Variants in XRN1 observed in about 807,000 individuals in gnomAD.
The protein encoded by XRN1 is 5'-3' exoribonuclease 1, also known as strand-exchange protein 1 homolog.
A neutral mutation model predicts 222.3 loss-of-function variants in XRN1; 67 were observed. The ratio of observed to expected loss-of-function variants is 0.30; its 90% CI spans 0.25 to 0.37. The LOEUF is 0.37. Ranked by LOEUF, XRN1 falls within the 10% of genes least tolerant of loss-of-function variation. The pLI is 1.00. For synonymous variants in XRN1, 643 were observed against 652.4 expected, an observed-to-expected ratio of 0.99 and a Z score of 0.22; for missense variants, 1,707 against 2,000.2, an observed-to-expected ratio of 0.85 and a Z score of 2.80.
intron 8 of XRN1, among the ~76,000 whole-genome samples, chr3:142,421,899 C>T (rs2108109057): frequency 6.6e-6 from 1 of 151,554 alleles, no homozygotes; most frequent in East Asian, 1.9e-4. Context: ...TATTTGGCAT[C>T]ACTATGTTTG....
Position 142,425,358 on chromosome 3 carries a change from C to T in XRN1, c.517-26G>A, listed in dbSNP as rs970600507. ...CTAAATAAAATTGTTTTTAAAAATG[C>T]AGTAATATGGTATATGCTTGAGAAT... On this transcript the variant is annotated intron_variant, in intron 4 of 40. Transcript: ENST00000392981. 4 of 1,583,270 alleles carry T rather than the reference C, an allele frequency of 2.5e-6. No homozygotes were observed. The African/African-American group carries it at 4.1e-5, about 16-fold the overall frequency.
At position 142,329,594 on chromosome 3, in the gene XRN1, T is replaced by C; in HGVS notation, c.4244A>G (p.His1415Arg). The C allele has an allele frequency of 1.3e-6, 2 of 1,549,850 alleles. No individual in the cohort carries two copies. Among genetic ancestry groups the C allele is most frequent in the Non-Finnish European group, 1.7e-6 (2 of 1,156,894 alleles). Reference sequence around the variant, plus strand: ...AACATTATGGTACTCATTAGCACTGTGAGGCTTGTTCATATAAGATGCTAC... The same window carrying C: ...AACATTATGGTACTCATTAGCACTGCGAGGCTTGTTCATATAAGATGCTAC... The part of the protein sequence containing the change: ...KKLASYMNKP[H>R]SANEYHNVQS... The change falls in exon 37 of 41, where the codon CAC becomes CGC. Residue 1415 changes from histidine to arginine, a missense_variant. By Grantham distance (29) the His-to-Arg change is conservative. Around this residue, in one of 2 missense-constraint regions of XRN1, gnomAD observed 473 missense variants for 482.0 expected, o/e 0.98. Transcript: ENST00000392981.
At chr3:142,384,271 CAAA>C (rs369012282) in intron 21 of XRN1, among the ~76,000 whole-genome samples, 1 of 52,676 alleles carries the variant, frequency 1.9e-5, no homozygotes. Flanking sequence ...GACTCTGTCT[CAAA>C]AAAAAAAAAA....
chr3:142,418,365 G>T (rs2068866987), intron 12 of XRN1, 139 bp downstream of exon 12: 1 of 601,346 alleles, frequency 1.7e-6, no homozygotes, highest in South Asian at 2.5e-5. Context: ...TCCAAAACCA[G>T]ACTAGTTGAA....
chr3:142,363,813 C>A (rs2107858428), intron 29 of XRN1, among the ~76,000 whole-genome samples: 1 of 152,322 alleles, frequency 6.6e-6, no homozygotes, highest in African/African-American at 2.4e-5. Context: ...ACCAGCTTAT[C>A]AATTTCTACA....
intron 37 of XRN1, among the ~76,000 whole-genome samples, chr3:142,319,800 G>A (rs1042946413): frequency 2.0e-5 from 3 of 152,022 alleles, no homozygotes; most frequent in African/African-American, 7.2e-5. Flanking sequence ...TTAGGATAAT[G>A]GCCCCCAGTT....
chr3:142,425,392 CT>C lies in XRN1; in HGVS notation c.516+36del, dbSNP rs747044123. ...GGTATATGCTTGAGAATATTAAATA[CT>C]TTTTTTAAACTCTTTAAATAAAAAA... On this transcript the variant is annotated intron_variant, in intron 4 of 40. Transcript: ENST00000392981. 22 of 1,577,884 alleles carry C rather than the reference CT, an allele frequency of 1.4e-5. No individual in the cohort carries two copies. In the African/African-American group the frequency reaches 1.5e-4, roughly 11 times the overall value.
intron 1 of XRN1, among the ~76,000 whole-genome samples, chr3:142,434,508 C>T (rs1457783834): frequency 1.4e-5 from 2 of 143,934 alleles, no homozygotes; most frequent in Non-Finnish European, 3.1e-5. Flanking sequence ...TTTTTTTTTA[C>T]ACTTTTTTTT....
At chr3:142,356,810 A>G in intron 31 of XRN1, 102 bp downstream of exon 31, 1 of 1,289,284 alleles carries the variant, frequency 7.8e-7, no homozygotes, top group Non-Finnish European at 1.1e-6. Flanking sequence ...TTTTTAAATA[A>G]AAGAGGGAAA....
At chr3:142,443,371 C>A (rs1242794878) in intron 1 of XRN1, among the ~76,000 whole-genome samples, 2 of 152,180 alleles carry the variant, frequency 1.3e-5, no homozygotes, top group Non-Finnish European at 2.9e-5. Flanking sequence ...GACTAAGAAT[C>A]CCTAAGCCTA....
chr3:142,328,733 A>G (rs1447455669), intron 37 of XRN1, among the ~76,000 whole-genome samples: 1 of 43,930 alleles, frequency 2.3e-5, no homozygotes, highest in East Asian at 8.7e-4. Context: ...ATATATATAT[A>G]TATATATATA....
chr3:142,334,795 CACACACAA>C (rs1001658892), intron 34 of XRN1, among the ~76,000 whole-genome samples: 5 of 149,766 alleles, frequency 3.3e-5, no homozygotes, highest in African/African-American at 9.9e-5. Context: ...CACACACACA[CACACACAA>C]AAGACCATAT....
intron 2 of XRN1, among the ~76,000 whole-genome samples, chr3:142,432,199 T>TTATATATAATTAATTA (rs1275634291): frequency 2.0e-5 from 2 of 99,606 alleles, no homozygotes; most frequent in African/African-American, 4.0e-5. Context: ...AAAATTTATT[T>TTATATATAATTAATTA]TATATATAAT....
At chr3:142,426,224 G>A (rs1577418833) in intron 3 of XRN1, among the ~76,000 whole-genome samples, 1 of 152,304 alleles carries the variant, frequency 6.6e-6, no homozygotes, top group East Asian at 1.9e-4. Flanking sequence ...GACAAAGGTT[G>A]TAGAAGTATA....
intron 5 of XRN1, among the ~76,000 whole-genome samples, 191 bp downstream of exon 5, chr3:142,425,031 T>C (rs183416158): frequency 1.3e-5 from 2 of 152,294 alleles, no homozygotes; most frequent in African/African-American, 4.8e-5. Context: ...TAGAGATCTG[T>C]TGGTCAATAA....
intron 20 of XRN1, among the ~76,000 whole-genome samples, chr3:142,387,007 C>T (rs547531194): frequency 6.6e-6 from 1 of 151,926 alleles, no homozygotes; most frequent in African/African-American, 2.4e-5. Flanking sequence ...AATGCATAGA[C>T]ATATACCCAA....
At chr3:142,382,096 C>T (rs2067323875) in intron 22 of XRN1, among the ~76,000 whole-genome samples, 1 of 152,148 alleles carries the variant, frequency 6.6e-6, no homozygotes, top group Admixed American at 6.6e-5. Context: ...GCGATGCTAA[C>T]TTTGATTATA....
intron 1 of XRN1, among the ~76,000 whole-genome samples, chr3:142,443,180 C>A (rs533891853): frequency 1.3e-4 from 20 of 152,286 alleles, no homozygotes; most frequent in African/African-American, 4.8e-4. Context: ...TTAGCCCATG[C>A]GCTGATGTTA....
At chr3:142,405,115 A>G in intron 15 of XRN1, 39 bp from the exon 16 acceptor site, 1 of 1,577,310 alleles carries the variant, frequency 6.3e-7, no homozygotes. Flanking sequence ...ACAAGCATAA[A>G]AATTCCATAA....
Sources: allele counts gnomAD v4.1 joint callset (sites outside exome capture counted in the v4.1 genomes callset), GRCh38; gene constraint gnomAD v4.1.1; regional missense constraint gnomAD v4.1.1; transcripts MANE v1.5; gene names NCBI Gene and HGNC (gene_info 2026-07-23, HGNC 2026-07-21).